Variants in STIM1 observed in about 807,000 individuals in gnomAD.
STIM1 encodes stromal interaction molecule 1.
A neutral mutation model predicts 74.7 loss-of-function variants in STIM1; 25 were observed. The ratio of observed to expected loss-of-function variants is 0.33; its 90% CI spans 0.24 to 0.47. The LOEUF (loss-of-function observed/expected upper bound fraction) is 0.47. Among genes scored for constraint, STIM1 ranks in the 20% least tolerant of loss-of-function variants. The pLI, the probability that STIM1 is intolerant of heterozygous loss-of-function variation, is 1.00. For synonymous variants in STIM1, 328 were observed against 348.8 expected, an observed-to-expected ratio of 0.94 and a Z score of 0.66; for missense variants, 728 against 920.8, an observed-to-expected ratio of 0.79 and a Z score of 2.71.
intron 1 of STIM1, among the ~76,000 whole-genome samples, chr11:3,934,529 T>C (rs574442456): frequency 2.8e-4 from 42 of 152,184 alleles, no homozygotes; most frequent in Non-Finnish European, 5.4e-4. Flanking sequence ...ATCTTGAACC[T>C]CTTAAGAGCA....
In STIM1 at chr11:4,024,031, A is replaced by G. The variant is rs201250104; in HGVS notation, c.385+44A>G. The G allele has an allele frequency of 3.3e-6, 5 of 1,533,280 alleles. No homozygotes were observed. The Admixed American group carries it at 8.4e-5, about 26-fold the overall frequency. The allele number at this position is 1,533,280 out of a possible 1,614,324, so 95.0% of individuals were successfully genotyped here. A position where few individuals can be genotyped will look rare whatever the true frequency, so the allele number is the denominator to read the frequency against. On this transcript the variant is annotated intron_variant, in intron 3 of 12. Coordinates refer to ENST00000526596, the MANE Select transcript of STIM1 (RefSeq NM_001382567.1). ...ATCAATCCTAGTTGTGGGAAGGTTT[A>G]GAGAAGAGAGAAGCAGCAACTTGGC... is the stretch of plus-strand genomic sequence containing the variant.
intron 3 of STIM1, among the ~76,000 whole-genome samples, chr11:4,042,060 T>C (rs2094152218): frequency 6.6e-6 from 1 of 152,220 alleles, no homozygotes; most frequent in East Asian, 1.9e-4. Flanking sequence ...GAGGGCTTCG[T>C]CTGGAGGCAC....
rs558911615 is a variant in STIM1 at position 3,917,435 on chromosome 11, G to GTTT, written c.140-50102_140-50100dup. ...TGAATGCTGACTTCACAGGGTTTCTGTTTTTTTTTTTTTTTTTGAGACAGG... is the reference window on the plus strand; with the variant it reads ...TGAATGCTGACTTCACAGGGTTTCTGTTTTTTTTTTTTTTTTTTTTGAGACAGG... On this transcript the variant is annotated intron_variant, in intron 1 of 12. Transcript: ENST00000526596. Among the ~76,000 whole-genome samples the GTTT allele has an allele frequency of 9.3e-3, 1,241 of 133,300 alleles. 22 individuals are homozygous for GTTT. The highest frequency in any genetic ancestry group is 0.032 in the African/African-American group (1,170 of 36,284). 87.4% of individuals were successfully genotyped at this position (133,300 alleles called of 152,430 possible).
intron 2 of STIM1, among the ~76,000 whole-genome samples, chr11:3,971,251 C>T (rs1371239389): frequency 2.0e-5 from 3 of 150,988 alleles, no homozygotes; most frequent in Non-Finnish European, 2.9e-5. Flanking sequence ...AAAAAAGGGC[C>T]GGGCACGGTG....
At chr11:4,044,535 G>A (rs1044921283) in intron 3 of STIM1, among the ~76,000 whole-genome samples, 12 of 152,182 alleles carry the variant, frequency 7.9e-5, no homozygotes, top group Admixed American at 5.9e-4. Context: ...TGTTATAGAG[G>A]ATACAGCTCA....
chr11:3,902,948 C>G lies in STIM1; in HGVS notation c.139+46539C>G, dbSNP rs145009132. On this transcript the variant is annotated intron_variant, in intron 1 of 12. Coordinates refer to ENST00000526596, the MANE Select transcript of STIM1 (RefSeq NM_001382567.1). The stretch of plus-strand genomic sequence containing the variant: ...TGGGACAGGGCAACATTTCATATCT[C>G]AGGCTATGAATGACAGAGGGACTTG... Among the ~76,000 whole-genome samples the G allele has an allele frequency of 3.9e-5, 6 of 152,260 alleles. No homozygotes were observed. The East Asian group carries it at 1.2e-3, about 29-fold the overall frequency.
intron 1 of STIM1, among the ~76,000 whole-genome samples, chr11:3,880,406 T>C (rs2091458451): frequency 6.6e-6 from 1 of 152,058 alleles, no homozygotes; most frequent in Non-Finnish European, 1.5e-5. Flanking sequence ...GTTCCCAAAG[T>C]CTCCCGTCTC....
intron 1 of STIM1, among the ~76,000 whole-genome samples, chr11:3,907,678 G>A (rs2092488549): frequency 1.3e-5 from 2 of 152,098 alleles, no homozygotes; most frequent in African/African-American, 4.8e-5. Flanking sequence ...ATTGTTCAGT[G>A]GCTTTACATA....
intron 2 of STIM1, among the ~76,000 whole-genome samples, chr11:3,991,961 A>G (rs2093616123): frequency 8.4e-6 from 1 of 119,428 alleles, no homozygotes; most frequent in African/African-American, 2.9e-5. Flanking sequence ...AAAAAAAAAA[A>G]AAAAAAAAAA....
chr11:3,955,314 G>A (rs755434792), intron 1 of STIM1, among the ~76,000 whole-genome samples: 5 of 152,188 alleles, frequency 3.3e-5, no homozygotes, highest in Non-Finnish European at 5.9e-5. Flanking sequence ...ACACAGGGAT[G>A]TATGTTTGTC....
chr11:3,965,834 C>T (rs1424662056), intron 1 of STIM1, among the ~76,000 whole-genome samples: 1 of 152,102 alleles, frequency 6.6e-6, no homozygotes, highest in Non-Finnish European at 1.5e-5. Flanking sequence ...GCTGAAACCC[C>T]GTCTCTACTA....
chr11:4,002,540 G>A (rs1454135841), intron 2 of STIM1, among the ~76,000 whole-genome samples: 6 of 148,232 alleles, frequency 4.0e-5, no homozygotes, highest in Admixed American at 2.0e-4. Flanking sequence ...TGAAACCAAC[G>A]AGAACAAAGA....
intron 7 of STIM1, among the ~76,000 whole-genome samples, chr11:4,078,449 A>T (rs375839006): frequency 1.3e-5 from 2 of 152,152 alleles, no homozygotes; most frequent in Non-Finnish European, 2.9e-5. Context: ...AAAATCATCA[A>T]TGTCTCCCAG....
chr11:4,013,255 A>T (rs979272197), intron 2 of STIM1, among the ~76,000 whole-genome samples: 25 of 152,226 alleles, frequency 1.6e-4, no homozygotes, highest in African/African-American at 6.0e-4. Context: ...GTTAAGGAGG[A>T]TTCCCTCTTT....
At chr11:3,992,363 G>A (rs1166685095) in intron 2 of STIM1, among the ~76,000 whole-genome samples, 5 of 151,998 alleles carry the variant, frequency 3.3e-5, no homozygotes, top group East Asian at 3.9e-4. Flanking sequence ...GTAGTGAGCC[G>A]AGATTGGGCC....
intron 1 of STIM1, among the ~76,000 whole-genome samples, chr11:3,966,466 A>G (rs893070465): frequency 2.0e-5 from 3 of 152,124 alleles, no homozygotes; most frequent in South Asian, 4.1e-4. Flanking sequence ...GCCTTCTAAA[A>G]GGCGTCACAA....
chr11:3,958,107 G>A (rs971267590), intron 1 of STIM1, among the ~76,000 whole-genome samples: 4 of 152,246 alleles, frequency 2.6e-5, no homozygotes, highest in East Asian at 3.9e-4. Flanking sequence ...CTCATGATCC[G>A]CCCATCTCGG....
chr11:4,025,228 A>G (rs1161149891), intron 3 of STIM1, among the ~76,000 whole-genome samples: 4 of 152,152 alleles, frequency 2.6e-5, no homozygotes, highest in Admixed American at 6.5e-5. Context: ...AGAATTTGAG[A>G]TCTGAAAGGG....
At chr11:3,946,605 C>T (rs2093077097) in intron 1 of STIM1, among the ~76,000 whole-genome samples, 1 of 152,140 alleles carries the variant, frequency 6.6e-6, no homozygotes, top group East Asian at 1.9e-4. Context: ...TCTTAGTTTT[C>T]CAAGTGTCTT....
Sources: gnomAD v4.1 joint callset for allele counts (sites outside exome capture counted in the v4.1 genomes callset) on GRCh38, gnomAD v4.1.1 for gene constraint, MANE v1.5 for transcripts, NCBI Gene and HGNC (gene_info 2026-07-23, HGNC 2026-07-21) for gene names.